The following ACOXL variants were observed in gnomAD, a reference collection of about 807,000 sequenced individuals.
ACOXL encodes acyl-coenzyme A oxidase-like protein.
A neutral mutation model predicts 71.9 loss-of-function variants in ACOXL; 70 were observed. The observed-to-expected ratio is 0.97, with a 90% confidence interval of 0.80 to 1.19. The LOEUF (loss-of-function observed/expected upper bound fraction) is 1.19. Among genes scored for constraint, ACOXL ranks in the 50% most tolerant of loss-of-function variants. ACOXL has a pLI of 0.00. For synonymous variants in ACOXL, 253 were observed against 281.6 expected, an observed-to-expected ratio of 0.90 and a Z score of 1.02; for missense variants, 703 against 736.3, an observed-to-expected ratio of 0.95 and a Z score of 0.52.
Position 111,074,859 on chromosome 2 carries a change from T to G in ACOXL, c.1441-18006T>G, listed in dbSNP as rs571982408. ...ATCCACTCACCTTGTCCTCCCAAAG[T>G]GCTGGGACTACAAGCGTGACCCATC... is the stretch of plus-strand genomic sequence containing the variant. On this transcript the variant is annotated intron_variant, in intron 16 of 17. Coordinates refer to ENST00000439055, the MANE Select transcript of ACOXL (RefSeq NM_001142807.4). 2.0e-5 allele frequency among the ~76,000 whole-genome samples: 3 copies of G among 152,332 alleles called. No homozygotes were observed. The East Asian group carries it at 5.8e-4, about 29-fold the overall frequency.
intron 12 of ACOXL, among the ~76,000 whole-genome samples, chr2:110,967,664 G>C (rs2061991369): frequency 6.6e-6 from 1 of 152,140 alleles, no homozygotes; most frequent in Non-Finnish European, 1.5e-5. Context: ...GAAATGAAAG[G>C]AGAAATAGAC....
intron 14 of ACOXL, among the ~76,000 whole-genome samples, chr2:111,018,588 G>A (rs1293613923): frequency 6.6e-6 from 1 of 152,134 alleles, no homozygotes; most frequent in Non-Finnish European, 1.5e-5. Context: ...CTGATCACAT[G>A]GGAGTTCTAG....
intron 9 of ACOXL, among the ~76,000 whole-genome samples, chr2:110,814,965 A>G (rs532098560): frequency 5.9e-5 from 9 of 152,216 alleles, no homozygotes; most frequent in South Asian, 2.1e-4. Flanking sequence ...TCATCAATGT[A>G]TTAGTTGGTT....
chr2:111,073,709 T>C (rs549880834), intron 16 of ACOXL, among the ~76,000 whole-genome samples: 1 of 152,352 alleles, frequency 6.6e-6, no homozygotes, highest in East Asian at 1.9e-4. Context: ...TCTGACTTTA[T>C]TCATCTTTGG....
At chr2:110,841,436 A>C in intron 10 of ACOXL, 31 bp downstream of exon 10, 1 of 1,582,862 alleles carries the variant, frequency 6.3e-7, no homozygotes, top group African/African-American at 1.3e-5. Context: ...TTCTTTTAAG[A>C]ATTATCCTTA....
At chr2:110,771,613 T>G (rs1441970257) in intron 2 of ACOXL, among the ~76,000 whole-genome samples, 1 of 152,246 alleles carries the variant, frequency 6.6e-6, no homozygotes, top group Non-Finnish European at 1.5e-5. Context: ...GTAATAGATT[T>G]GAGATGTTTC....
At chr2:110,784,400 C>A (rs1318444311) in intron 2 of ACOXL, among the ~76,000 whole-genome samples, 2 of 152,072 alleles carry the variant, frequency 1.3e-5, no homozygotes, top group Non-Finnish European at 2.9e-5. Flanking sequence ...AAGTGAACAC[C>A]AGGAGCTGGG....
intron 13 of ACOXL, among the ~76,000 whole-genome samples, chr2:110,991,237 C>A (rs1015246181): frequency 2.0e-5 from 3 of 152,096 alleles, no homozygotes. Flanking sequence ...TTAACTTCTG[C>A]TAGATCTGTA....
chr2:110,776,942 G>A (rs1207588520), intron 2 of ACOXL, among the ~76,000 whole-genome samples: 1 of 151,842 alleles, frequency 6.6e-6, no homozygotes, highest in Non-Finnish European at 1.5e-5. Flanking sequence ...ATGAGAAGTG[G>A]CAGGAATGGG....
chr2:111,051,609 C>T (rs2066291558), intron 16 of ACOXL, among the ~76,000 whole-genome samples: 1 of 152,122 alleles, frequency 6.6e-6, no homozygotes, highest in South Asian at 2.1e-4. Context: ...GTTGGGAGTA[C>T]AGGTGTCTGC....
Position 110,957,836 on chromosome 2 carries a change from C to T in ACOXL, c.1059+24194C>T, listed in dbSNP as rs541694260. Among the ~76,000 whole-genome samples the T allele has an allele frequency of 8.6e-5, 13 of 152,042 alleles. No individual in the cohort carries two copies. In the South Asian group the frequency reaches 2.7e-3, roughly 32 times the overall value. ...CTTTGGGAGGCCGAGGCGGGCGGAT[C>T]ACCTGAGGTGAGGAGTTCCAGACCA... is the stretch of plus-strand genomic sequence containing the variant. On this transcript the variant is annotated intron_variant, in intron 12 of 17. Transcript: ENST00000439055.
chr2:110,855,302 G>A (rs1380113993), intron 10 of ACOXL, among the ~76,000 whole-genome samples: 2 of 152,198 alleles, frequency 1.3e-5, no homozygotes, highest in South Asian at 2.1e-4. Context: ...TCATTTAACT[G>A]TCATAGCCCC....
chr2:110,874,265 G>A (rs551244103), intron 10 of ACOXL, among the ~76,000 whole-genome samples: 4 of 152,298 alleles, frequency 2.6e-5, no homozygotes, highest in Admixed American at 6.5e-5. Context: ...CGACATTTGC[G>A]TGCCCCACGT....
chr2:110,984,890 G>A (rs1208202254), intron 12 of ACOXL, among the ~76,000 whole-genome samples: 3 of 152,276 alleles, frequency 2.0e-5, no homozygotes, highest in East Asian at 1.9e-4. Context: ...GACACACTCC[G>A]ACCCCTGGCA....
chr2:111,097,636 CA>C (rs2150037680), intron 17 of ACOXL, among the ~76,000 whole-genome samples: 1 of 152,266 alleles, frequency 6.6e-6, no homozygotes, highest in Admixed American at 6.5e-5. Flanking sequence ...AACAAACAAA[CA>C]AAAGCTTGTG....
Position 111,006,960 on chromosome 2 carries a change from T to TAG in ACOXL, c.1281+10961_1281+10962dup, listed in dbSNP as rs1375981691. On this transcript the variant is annotated intron_variant, in intron 14 of 17. Coordinates refer to ENST00000439055, the MANE Select transcript of ACOXL (RefSeq NM_001142807.4). The stretch of plus-strand genomic sequence containing the variant: ...ACTTCTTTCTCCATCTTTTTTCTCA[T>TAG]AGAGAGCATCCTTAAATTCTCTTCC... 2.3e-4 allele frequency among the ~76,000 whole-genome samples: 35 copies of TAG among 152,064 alleles called. 1 individual carries two copies. The South Asian group carries it at 6.7e-3, about 29-fold the overall frequency.
At chr2:111,066,535 G>A (rs1176658118) in intron 16 of ACOXL, among the ~76,000 whole-genome samples, 3 of 152,096 alleles carry the variant, frequency 2.0e-5, no homozygotes, top group South Asian at 2.1e-4. Flanking sequence ...ACCATTGGGC[G>A]AAACTGGGTA....
At chr2:110,818,819 T>A (rs1033135687) in intron 9 of ACOXL, among the ~76,000 whole-genome samples, 2 of 142,714 alleles carry the variant, frequency 1.4e-5, no homozygotes, top group African/African-American at 4.9e-5. Flanking sequence ...CTGAAATGAT[T>A]TCAGGTGCTG....
chr2:110,794,174 G>C lies in ACOXL; in HGVS notation c.345G>C (p.Gln115His), dbSNP rs959018151. 3.7e-6 allele frequency: 6 copies of C among 1,614,068 alleles called. No individual in the cohort carries two copies. Among genetic ancestry groups the C allele is most frequent in the Non-Finnish European group, 5.1e-6 (6 of 1,179,940 alleles). ...AAGCCACCTTTGACCTCTCTGCCCA[G>C]GTGAGGAATCCATCCTTCTCCTGCC... ...QTEATFDLSA[Q>H]EFVIDTPCEN... Residue 115 changes from glutamine to histidine, a missense_variant and splice_region_variant, in exon 5 of 18, where the codon CAG becomes CAC. Coordinates refer to ENST00000439055, the MANE Select transcript of ACOXL (RefSeq NM_001142807.4).
Sources: allele counts gnomAD v4.1 joint callset (sites outside exome capture counted in the v4.1 genomes callset), GRCh38; gene constraint gnomAD v4.1.1; transcripts MANE v1.5; gene names NCBI Gene and HGNC (gene_info 2026-07-23, HGNC 2026-07-21).